NPAS3: variants seen among roughly 807,000 people sequenced by gnomAD.
The protein encoded by NPAS3 is neuronal PAS domain-containing protein 3.
NPAS3 carries 14 observed loss-of-function variants against 73.1 expected under a neutral mutation model. The observed-to-expected ratio is 0.19, with a 90% CI of 0.13 to 0.30. The LOEUF (loss-of-function observed/expected upper bound fraction) is 0.30, where lower values mean the gene tolerates loss of function less well. NPAS3 is among the 10% of genes least tolerant of loss of function. The pLI, the probability that NPAS3 is intolerant of heterozygous loss-of-function variation, is 1.00. For synonymous variants in NPAS3, 620 were observed against 541.5 expected, an observed-to-expected ratio of 1.14 and a Z score of -2.01; for missense variants, 1,096 against 1,250.0, an observed-to-expected ratio of 0.88 and a Z score of 1.86.
intron 2 of NPAS3, among the ~76,000 whole-genome samples, chr14:33,147,287 C>T (rs773123741): frequency 2.0e-5 from 3 of 152,230 alleles, no homozygotes; most frequent in African/African-American, 4.8e-5. Flanking sequence ...TTTTCTTTCT[C>T]ATTAGATAAT....
chr14:33,346,166 A>G lies in NPAS3; in HGVS notation c.386-21020A>G, dbSNP rs192570525. On this transcript the variant is annotated intron_variant, in intron 3 of 11. Coordinates refer to ENST00000356141, the Ensembl canonical transcript of NPAS3. ...CTTGAACCCGGGAGGCAGAGGTTGC[A>G]GTGAGCTGAAATTGAGCCACTGCAC... Among the ~76,000 whole-genome samples the G allele has an allele frequency of 2.0e-5, 3 of 151,048 alleles. No individual in the cohort carries two copies. The East Asian group carries it at 5.9e-4, about 30-fold the overall frequency.
chr14:33,219,509 T>C (rs561419434), intron 3 of NPAS3, among the ~76,000 whole-genome samples: 1 of 152,286 alleles, frequency 6.6e-6, no homozygotes, highest in East Asian at 1.9e-4. Flanking sequence ...AAAGGAACAG[T>C]TGAAAAATAT....
intron 3 of NPAS3, among the ~76,000 whole-genome samples, chr14:33,312,886 G>T (rs1383767067): frequency 6.6e-6 from 1 of 151,982 alleles, no homozygotes; most frequent in Non-Finnish European, 1.5e-5. Flanking sequence ...AGACATTTGA[G>T]GTTATGATTT....
intron 2 of NPAS3, among the ~76,000 whole-genome samples, chr14:33,141,981 T>C (rs930540724): frequency 1.3e-5 from 2 of 152,176 alleles, no homozygotes; most frequent in Non-Finnish European, 2.9e-5. Context: ...TAGTATTCCA[T>C]TGAAAATCAC....
chr14:33,635,887 C>A (rs373869323), intron 5 of NPAS3, among the ~76,000 whole-genome samples: 7 of 152,328 alleles, frequency 4.6e-5, no homozygotes, highest in African/African-American at 1.7e-4. Context: ...AGCACCTGTA[C>A]ATACATCCCT....
At chr14:33,686,203 C>G (rs1250750634) in intron 6 of NPAS3, among the ~76,000 whole-genome samples, 1 of 152,112 alleles carries the variant, frequency 6.6e-6, no homozygotes, top group Non-Finnish European at 1.5e-5. Flanking sequence ...GGAGACTCAT[C>G]CCAGCAGCAC....
chr14:33,152,929 C>G (rs141760868), intron 2 of NPAS3, among the ~76,000 whole-genome samples: 1 of 150,382 alleles, frequency 6.6e-6, no homozygotes, highest in African/African-American at 2.4e-5. Flanking sequence ...GCTCTGGTTT[C>G]GATATTGGAA....
At chr14:33,226,667 GCAGT>G (rs2047646149) in intron 3 of NPAS3, among the ~76,000 whole-genome samples, 1 of 152,204 alleles carries the variant, frequency 6.6e-6, no homozygotes, top group Admixed American at 6.5e-5. Flanking sequence ...CCCATTGGGA[GCAGT>G]CAGTCACCAG....
chr14:33,536,617 A>G (rs1595107187), intron 4 of NPAS3, among the ~76,000 whole-genome samples: 1 of 151,800 alleles, frequency 6.6e-6, no homozygotes, highest in South Asian at 2.1e-4. Context: ...AAGCTAGACT[A>G]TAATGCAAGA....
At chr14:33,544,537 A>C (rs931205416) in intron 4 of NPAS3, among the ~76,000 whole-genome samples, 1 of 151,618 alleles carries the variant, frequency 6.6e-6, no homozygotes, top group African/African-American at 2.4e-5. Flanking sequence ...TCTGTCTCCC[A>C]CCATGCACAC....
chr14:33,684,995 G>A (rs555448647), intron 6 of NPAS3, among the ~76,000 whole-genome samples: 1 of 152,322 alleles, frequency 6.6e-6, no homozygotes, highest in Admixed American at 6.5e-5. Flanking sequence ...AGAAGAATTA[G>A]CTTGAGGGAA....
intron 4 of NPAS3, among the ~76,000 whole-genome samples, chr14:33,420,798 G>A (rs1229145288): frequency 1.3e-5 from 2 of 151,806 alleles, no homozygotes; most frequent in Non-Finnish European, 2.9e-5. Context: ...GAAAATCAGA[G>A]CCCATCATTC....
At chr14:33,046,605 C>A (rs2040515453) in intron 1 of NPAS3, among the ~76,000 whole-genome samples, 1 of 152,130 alleles carries the variant, frequency 6.6e-6, no homozygotes, top group South Asian at 2.1e-4. Context: ...AGGGAAGAAT[C>A]AAGGGCCAGT....
chr14:33,686,181 G>A (rs1016491183), intron 6 of NPAS3, among the ~76,000 whole-genome samples: 5 of 152,170 alleles, frequency 3.3e-5, no homozygotes, highest in African/African-American at 1.2e-4. Flanking sequence ...AAAAGGTAGA[G>A]GTGATCTCCC....
At chr14:33,370,504 C>A (rs1362265763) in intron 4 of NPAS3, among the ~76,000 whole-genome samples, 1 of 152,006 alleles carries the variant, frequency 6.6e-6, no homozygotes, top group Admixed American at 6.6e-5. Flanking sequence ...ATTATAGGAG[C>A]CATATTACCA....
chr14:33,318,404 G>T (rs193194093), intron 3 of NPAS3, among the ~76,000 whole-genome samples: 1 of 152,230 alleles, frequency 6.6e-6, no homozygotes, highest in East Asian at 1.9e-4. Flanking sequence ...CACGAAAAGA[G>T]TTCTGGAGAC....
intron 4 of NPAS3, among the ~76,000 whole-genome samples, chr14:33,527,914 T>C (rs996966369): frequency 6.6e-6 from 1 of 152,066 alleles, no homozygotes; most frequent in Non-Finnish European, 1.5e-5. Flanking sequence ...AAGGAACACA[T>C]TCCTTCCATT....
rs192409666 is a variant in NPAS3, at chr14:33,578,013, C to T, written c.558+17803C>T. 4.1e-3 allele frequency among the ~76,000 whole-genome samples: 625 copies of T among 152,294 alleles called. 9 individuals carry two copies. The highest frequency in any genetic ancestry group is 0.014 in the African/African-American group (595 of 41,564). ...CGGCCTTGTGCCAATTTTGAACATACCCCATTGAGTTTGGAATTTACTTCT... is the reference window on the plus strand; with the variant it reads ...CGGCCTTGTGCCAATTTTGAACATATCCCATTGAGTTTGGAATTTACTTCT... On this transcript the variant is annotated intron_variant, in intron 5 of 11. Coordinates refer to ENST00000356141, the Ensembl canonical transcript of NPAS3.
intron 4 of NPAS3, among the ~76,000 whole-genome samples, chr14:33,530,780 G>A (rs942286804): frequency 6.7e-6 from 1 of 149,934 alleles, no homozygotes; most frequent in East Asian, 2.0e-4. Context: ...TAGGGGATGG[G>A]AGGGTGGGAA....
Sources: allele counts gnomAD v4.1 joint callset (sites outside exome capture counted in the v4.1 genomes callset), GRCh38; gene constraint gnomAD v4.1.1; transcripts MANE v1.5; gene names NCBI Gene and HGNC (gene_info 2026-07-23, HGNC 2026-07-21).